The following AAK1 variants were observed in gnomAD, a reference collection of about 807,000 sequenced individuals.
AAK1 encodes AP2 associated kinase 1, also known as AP2-associated protein kinase 1.
In AAK1, 37 loss-of-function variants were observed where a neutral mutation model predicts 116.0. The ratio of observed to expected loss-of-function variants is 0.32; its 90% CI spans 0.25 to 0.42. The LOEUF is 0.42. AAK1 is among the 10% of genes least tolerant of loss of function. The probability of loss-of-function intolerance (pLI) is 1.00; values close to 1 mark genes in which losing one functional copy is unlikely to be tolerated. For missense variants in AAK1, 919 were observed against 1,170.6 expected, an observed-to-expected ratio of 0.79 and a Z score of 3.14; for synonymous variants, 458 against 439.9, an observed-to-expected ratio of 1.04 and a Z score of -0.51.
intron 2 of AAK1, among the ~76,000 whole-genome samples, chr2:69,575,999 C>T (rs2105131592): frequency 6.6e-6 from 1 of 152,276 alleles, no homozygotes; most frequent in South Asian, 2.1e-4. Context: ...ATGGTCAGGG[C>T]AGTGGGGCAC....
intron 18 of AAK1, chr2:69,482,219 G>C (rs1411490327): frequency 5.0e-6 from 1 of 201,156 alleles, no homozygotes; most frequent in African/African-American, 2.4e-5. Flanking sequence ...AGGCATGGTG[G>C]TGCATGCCTG....
chr2:69,544,269 A>G, intron 4 of AAK1, 167 bp downstream of exon 4: 1 of 595,380 alleles, frequency 1.7e-6, no homozygotes. Context: ...TTGTACCGTT[A>G]TAAGAATAAC....
chr2:69,497,465 C>T (rs1675796300), intron 16 of AAK1, among the ~76,000 whole-genome samples: 1 of 151,836 alleles, frequency 6.6e-6, no homozygotes, highest in East Asian at 1.9e-4. Flanking sequence ...CCACACCTGG[C>T]TAATTTTTGT....
intron 2 of AAK1, among the ~76,000 whole-genome samples, chr2:69,590,808 T>G (rs978551482): frequency 6.6e-6 from 1 of 152,308 alleles, no homozygotes; most frequent in South Asian, 2.1e-4. Context: ...AGTAGAAAAG[T>G]CAAATGAAAT....
In AAK1 at chr2:69,469,607, G is replaced by C. The variant is rs936955232; in HGVS notation, c.*6262C>G. Reference sequence around the variant, plus strand: ...ATAGCAGATACCCTGTGGCCATAGAGCTCAGTAAACACTGCCTGTTGTACC... The same window carrying C: ...ATAGCAGATACCCTGTGGCCATAGACCTCAGTAAACACTGCCTGTTGTACC... On this transcript the variant is annotated 3_prime_UTR_variant, in exon 22 of 22. Transcript: ENST00000409085. 1.0e-6 allele frequency: 1 copy of C among 985,448 alleles called. No homozygotes were observed. The highest frequency in any genetic ancestry group is 1.2e-6 in the Non-Finnish European group (1 of 829,968). 61.0% of individuals were successfully genotyped at this position (985,448 alleles called of 1,614,324 possible).
At chr2:69,587,551 C>T (rs1381029254) in intron 2 of AAK1, among the ~76,000 whole-genome samples, 8 of 151,656 alleles carry the variant, frequency 5.3e-5, no homozygotes, top group South Asian at 2.1e-4. Flanking sequence ...CTGCAACCTC[C>T]GCCTCTTGGG....
At chr2:69,633,642 G>A (rs979680487) in intron 2 of AAK1, among the ~76,000 whole-genome samples, 1 of 150,492 alleles carries the variant, frequency 6.6e-6, no homozygotes, top group South Asian at 2.1e-4. Context: ...GCCCAGAAGA[G>A]GGCCCTGACT....
intron 2 of AAK1, among the ~76,000 whole-genome samples, chr2:69,624,316 T>C (rs1251147525): frequency 2.0e-5 from 3 of 152,190 alleles, no homozygotes; most frequent in African/African-American, 7.2e-5. Flanking sequence ...TAAAATAACA[T>C]AAATGTCTAA....
At chr2:69,582,412 T>C (rs1279672499) in intron 2 of AAK1, among the ~76,000 whole-genome samples, 1 of 152,012 alleles carries the variant, frequency 6.6e-6, no homozygotes, top group Admixed American at 6.5e-5. Context: ...TGTGTGCGCG[T>C]GTGTGTGCGT....
intron 16 of AAK1, among the ~76,000 whole-genome samples, chr2:69,498,562 T>C (rs1675844597): frequency 6.6e-6 from 1 of 151,324 alleles, no homozygotes; most frequent in South Asian, 2.1e-4. Context: ...TGCCCTCGCC[T>C]ACTCAGTACC....
At chr2:69,595,812 A>T (rs1673254583) in intron 2 of AAK1, among the ~76,000 whole-genome samples, 1 of 152,238 alleles carries the variant, frequency 6.6e-6, no homozygotes, top group Admixed American at 6.5e-5. Flanking sequence ...TTTCATAGCT[A>T]GAGAGGAGAA....
intron 2 of AAK1, among the ~76,000 whole-genome samples, chr2:69,637,809 T>C (rs1675516745): frequency 6.6e-6 from 1 of 152,212 alleles, no homozygotes; most frequent in African/African-American, 2.4e-5. Flanking sequence ...ACCTTTCTTG[T>C]GTACTCTACA....
intron 2 of AAK1, among the ~76,000 whole-genome samples, chr2:69,591,521 T>TC (rs1419672940): frequency 2.6e-4 from 36 of 137,246 alleles, no homozygotes; most frequent in African/African-American, 9.1e-4. Context: ...TTTTTTCTTT[T>TC]TCTTTTTTTT....
chr2:69,480,865 C>A lies in AAK1; in HGVS notation c.2564G>T (p.Arg855Leu). The A allele has an allele frequency of 6.3e-7, 1 of 1,592,558 alleles. No individual in the cohort carries two copies. The highest frequency in any genetic ancestry group is 8.5e-7 in the Non-Finnish European group (1 of 1,169,758). Residue 855 changes from arginine (R) to leucine (L), a missense_variant, in exon 19 of 22, where the codon CGC (arginine) becomes CTC (leucine). By Grantham distance (102) the Arg-to-Leu change is moderately radical. Around this residue, in one of 4 missense-constraint regions of AAK1, gnomAD observed 263 missense variants for 285.5 expected, o/e 0.92. Coordinates refer to ENST00000409085, the MANE Select transcript of AAK1 (RefSeq NM_014911.5). ...PSQTESVTSN[R>L]TDSLTGEDSL... Reference sequence around the variant, plus strand: ...TGCAGAGACACCTGACTGACCTGTGCGATTCGAGGTCACAGATTCCGTCTG... The same window carrying A: ...TGCAGAGACACCTGACTGACCTGTGAGATTCGAGGTCACAGATTCCGTCTG...
chr2:69,518,470 AG>A (rs1676680840), intron 12 of AAK1, among the ~76,000 whole-genome samples: 1 of 142,208 alleles, frequency 7.0e-6, no homozygotes, highest in Non-Finnish European at 1.5e-5. Flanking sequence ...CCCAGGCTGG[AG>A]TGCAATGGCA....
rs149248316 is a variant in AAK1, at chr2:69,599,718, G to C, written c.164-42740C>G. On this transcript the variant is annotated intron_variant, in intron 2 of 21. Transcript: ENST00000409085. ...CTGTGATAATATAGAGAGAATTAAA[G>C]CAAGAAAAGCCTGAATTATTGCCTT... 4.9e-3 allele frequency among the ~76,000 whole-genome samples: 748 copies of C among 152,248 alleles called. 4 individuals carry two copies. Among genetic ancestry groups the C allele is most frequent in the Middle Eastern group, 0.031 (9 of 294 alleles).
At chr2:69,638,223 G>A (rs1675534540) in intron 2 of AAK1, among the ~76,000 whole-genome samples, 1 of 152,174 alleles carries the variant, frequency 6.6e-6, no homozygotes, top group Non-Finnish European at 1.5e-5. Flanking sequence ...TGGCACTCAA[G>A]ATTCTCCATA....
intron 2 of AAK1, among the ~76,000 whole-genome samples, chr2:69,633,001 A>G (rs1467425668): frequency 1.3e-5 from 2 of 151,416 alleles, no homozygotes; most frequent in South Asian, 4.2e-4. Flanking sequence ...CCACTGCACT[A>G]CAGCCTGGGT....
chr2:69,604,046 G>A (rs904604452), intron 2 of AAK1, among the ~76,000 whole-genome samples: 14 of 152,172 alleles, frequency 9.2e-5, no homozygotes, highest in Non-Finnish European at 1.6e-4. Context: ...TCTGAAACTC[G>A]GTTAGTTAGA....
Sources: gnomAD v4.1 joint callset for allele counts (sites outside exome capture counted in the v4.1 genomes callset) on GRCh38, gnomAD v4.1.1 for gene constraint, gnomAD v4.1.1 regional missense constraint, MANE v1.5 for transcripts, NCBI Gene and HGNC (gene_info 2026-07-23, HGNC 2026-07-21) for gene names.